DLG2: variants seen among roughly 807,000 people sequenced by gnomAD.
The protein encoded by DLG2 is disks large homolog 2.
In DLG2, 45 loss-of-function variants were observed where a neutral mutation model predicts 132.5. The ratio of observed to expected loss-of-function variants is 0.34; its 90% confidence interval spans 0.27 to 0.44. DLG2 has a LOEUF of 0.44. Ranked by LOEUF, DLG2 falls within the 20% of genes least tolerant of loss-of-function variation. DLG2 has a pLI of 1.00. For synonymous variants in DLG2, 424 were observed against 419.6 expected, an observed-to-expected ratio of 1.01 and a Z score of -0.13; for missense variants, 1,045 against 1,196.9, an observed-to-expected ratio of 0.87 and a Z score of 1.87.
intron 6 of DLG2, among the ~76,000 whole-genome samples, chr11:85,108,263 A>G (rs1042333062): frequency 6.6e-6 from 1 of 152,112 alleles, no homozygotes; most frequent in African/African-American, 2.4e-5. Flanking sequence ...AAGAGCAAGA[A>G]TAGGACAGTG....
intron 18 of DLG2, among the ~76,000 whole-genome samples, chr11:83,730,146 GTTTTTT>G (rs541441004): frequency 9.0e-6 from 1 of 111,004 alleles, no homozygotes; most frequent in Non-Finnish European, 1.8e-5. Flanking sequence ...TTTTTTTATG[GTTTTTT>G]TTTTTTTTTT....
At chr11:83,900,906 C>T (rs2073221093) in intron 15 of DLG2, among the ~76,000 whole-genome samples, 1 of 152,186 alleles carries the variant, frequency 6.6e-6, no homozygotes, top group African/African-American at 2.4e-5. Flanking sequence ...CCCATGAAGA[C>T]AGCTGGGAAG....
At chr11:84,744,166 A>G (rs1736808211) in intron 6 of DLG2, among the ~76,000 whole-genome samples, 1 of 152,118 alleles carries the variant, frequency 6.6e-6, no homozygotes, top group South Asian at 2.1e-4. Flanking sequence ...AGCCCTGAAC[A>G]ACAACAACAA....
rs140357706 is a variant in DLG2 at position 83,571,207 on chromosome 11, GT to G, written c.1941-29350del. ...ATTTACTATATTTAAATAAATATGG[GT>G]TTTTTTCTTTTTGAAATACATTTGT... On this transcript the variant is annotated intron_variant, in intron 19 of 27. Coordinates refer to ENST00000376104, the MANE Select transcript of DLG2 (RefSeq NM_001142699.3). 1.1e-4 allele frequency among the ~76,000 whole-genome samples: 17 copies of G among 151,988 alleles called. No individual in the cohort carries two copies. In the South Asian group the frequency reaches 2.1e-3, roughly 19 times the overall value.
At chr11:84,271,770 A>G (rs1364077390) in intron 7 of DLG2, among the ~76,000 whole-genome samples, 1 of 152,106 alleles carries the variant, frequency 6.6e-6, no homozygotes, top group African/African-American at 2.4e-5. Context: ...ATTTACCCCA[A>G]AAGTAACAAT....
chr11:84,071,607 A>G (rs913926896), intron 10 of DLG2, among the ~76,000 whole-genome samples: 1 of 152,136 alleles, frequency 6.6e-6, no homozygotes, highest in Non-Finnish European at 1.5e-5. Flanking sequence ...ATTCTGGGGA[A>G]AAAAGTTGTA....
intron 7 of DLG2, among the ~76,000 whole-genome samples, chr11:84,516,866 T>A (rs2099274734): frequency 6.6e-6 from 1 of 150,966 alleles, no homozygotes. Flanking sequence ...TTAAAAAGTT[T>A]ATTTGCTATG....
intron 3 of DLG2, among the ~76,000 whole-genome samples, chr11:85,574,341 T>G (rs2078025281): frequency 6.6e-6 from 1 of 151,922 alleles, no homozygotes; most frequent in Non-Finnish European, 1.5e-5. Context: ...TAGCCTGATT[T>G]TCTACCCTAC....
At chr11:84,637,499 C>G (rs1387396238) in intron 6 of DLG2, among the ~76,000 whole-genome samples, 4 of 152,322 alleles carry the variant, frequency 2.6e-5, no homozygotes, top group Non-Finnish European at 4.4e-5. Flanking sequence ...CCTGAAAGAA[C>G]TGAATTGAAT....
chr11:85,437,594 G>C (rs1565491762), intron 3 of DLG2, among the ~76,000 whole-genome samples: 1 of 152,012 alleles, frequency 6.6e-6, no homozygotes, highest in Non-Finnish European at 1.5e-5. Context: ...CAAAAAAAGA[G>C]TCTATATTTT....
chr11:83,502,091 C>T (rs953725909), intron 21 of DLG2, among the ~76,000 whole-genome samples: 1 of 152,204 alleles, frequency 6.6e-6, no homozygotes, highest in South Asian at 2.1e-4. Flanking sequence ...AATGCTTACT[C>T]ATATAGCGGA....
intron 16 of DLG2, among the ~76,000 whole-genome samples, chr11:83,855,724 G>T (rs2060434431): frequency 6.6e-6 from 1 of 152,016 alleles, no homozygotes; most frequent in African/African-American, 2.4e-5. Context: ...TTAAGTTCAG[G>T]GATACATCAG....
rs185179963 is a variant in DLG2 at position 84,683,277 on chromosome 11, G to T, written c.358-148546C>A. Among the ~76,000 whole-genome samples the T allele has an allele frequency of 2.0e-4, 31 of 152,212 alleles. No homozygotes were observed. In the East Asian group the frequency reaches 5.6e-3, roughly 28 times the overall value. ...TTCAAATGAATTTTAGGTTCTCCTTGGTTTTCTTAGCACTATCTCCATTCT... is the reference window on the plus strand; with the variant it reads ...TTCAAATGAATTTTAGGTTCTCCTTTGTTTTCTTAGCACTATCTCCATTCT... On this transcript the variant is annotated intron_variant, in intron 6 of 27. Coordinates refer to ENST00000376104, the MANE Select transcript of DLG2 (RefSeq NM_001142699.3).
At position 85,104,896 on chromosome 11, in the gene DLG2, A is replaced by C. The variant is rs918608200; in HGVS notation, c.357+6765T>G. Among the ~76,000 whole-genome samples, 6 of 146,920 alleles carry C rather than the reference A, an allele frequency of 4.1e-5. No homozygotes were observed. The East Asian group carries it at 7.8e-4, about 19-fold the overall frequency. On this transcript the variant is annotated intron_variant, in intron 6 of 27. Transcript: ENST00000376104. The stretch of plus-strand genomic sequence containing the variant: ...GCAAAAAAAAAAAAAAAAAAAAAAA[A>C]AAAACAGAGAGAGAAAGGAGAAAGA...
chr11:85,439,945 A>C (rs561741170), intron 3 of DLG2, among the ~76,000 whole-genome samples: 1 of 152,236 alleles, frequency 6.6e-6, no homozygotes, highest in South Asian at 2.1e-4. Context: ...CGCTAGATAG[A>C]GGTATTTTAT....
chr11:85,059,888 A>T, intron 6 of DLG2, among the ~76,000 whole-genome samples: 1 of 151,772 alleles, frequency 6.6e-6, no homozygotes. Flanking sequence ...TTTCAATTTT[A>T]AAAGATACAC....
At chr11:84,273,421 T>C in intron 7 of DLG2, 13 of 1,159,460 alleles carry the variant, frequency 1.1e-5, no homozygotes, top group Non-Finnish European at 1.5e-5. Context: ...AGAACATTTC[T>C]TTTGGGGGAT....
intron 3 of DLG2, among the ~76,000 whole-genome samples, chr11:85,515,542 T>C (rs1325514381): frequency 6.6e-6 from 1 of 152,000 alleles, no homozygotes; most frequent in Non-Finnish European, 1.5e-5. Flanking sequence ...TCTATCTTAA[T>C]GCTTAATTCA....
In DLG2 at chr11:83,618,488, G is replaced by A. The variant is rs576712326; in HGVS notation, c.1940+14723C>T. ...ATAAGACGCTAGGTGATTTACAAAC[G>A]TTATTCCTCATAAACTTTAAATGAG... On this transcript the variant is annotated intron_variant, in intron 19 of 27. Coordinates refer to ENST00000376104, the MANE Select transcript of DLG2 (RefSeq NM_001142699.3). 1.2e-4 allele frequency among the ~76,000 whole-genome samples: 18 copies of A among 152,220 alleles called. No homozygotes were observed. In the East Asian group the frequency reaches 2.9e-3, roughly 25 times the overall value.
Sources: allele counts gnomAD v4.1 joint callset (sites outside exome capture counted in the v4.1 genomes callset), GRCh38; gene constraint gnomAD v4.1.1; transcripts MANE v1.5; gene names NCBI Gene and HGNC (gene_info 2026-07-23, HGNC 2026-07-21).